The following PDE10A variants were observed in gnomAD, a reference collection of about 807,000 sequenced individuals.
PDE10A encodes the protein phosphodiesterase 10A, also known as cAMP and cAMP-inhibited cGMP 3',5'-cyclic phosphodiesterase 10A.
PDE10A carries 39 observed loss-of-function variants against 97.7 expected under a neutral mutation model. The observed-to-expected ratio is 0.40, with a 90% CI of 0.31 to 0.52. The LOEUF is 0.52. Ranked by LOEUF, PDE10A falls within the 20% of genes least tolerant of loss-of-function variation. The pLI is 0.56. For missense variants in PDE10A, 731 were observed against 1,047.8 expected (o/e 0.70, Z 4.17); for synonymous variants, 371 against 376.8 (o/e 0.98, Z 0.18).
chr6:165,509,294 C>T (rs1023484975), intron 2 of PDE10A, among the ~76,000 whole-genome samples: 3 of 151,990 alleles, frequency 2.0e-5, no homozygotes, highest in African/African-American at 7.2e-5. Context: ...TATTCTTCTG[C>T]ATATGGATAT....
intron 1 of PDE10A, among the ~76,000 whole-genome samples, chr6:165,788,667 G>A (rs1187124673): frequency 2.0e-5 from 3 of 151,668 alleles, no homozygotes; most frequent in Non-Finnish European, 4.4e-5. Flanking sequence ...TCATTATCCT[G>A]TCCTCATCCT....
intron 1 of PDE10A, among the ~76,000 whole-genome samples, chr6:165,813,561 T>C (rs1329943707): frequency 6.6e-6 from 1 of 152,216 alleles, no homozygotes; most frequent in African/African-American, 2.4e-5. Context: ...AGTAGTTTTG[T>C]TTTCCTTGAG....
At chr6:165,803,815 A>C (rs541102525) in intron 1 of PDE10A, among the ~76,000 whole-genome samples, 1 of 152,204 alleles carries the variant, frequency 6.6e-6, no homozygotes, top group Non-Finnish European at 1.5e-5. Flanking sequence ...ACATGCAGGC[A>C]CAGTTAGAGA....
chr6:165,757,107 C>T (rs2128457163), intron 1 of PDE10A, among the ~76,000 whole-genome samples: 1 of 152,196 alleles, frequency 6.6e-6, no homozygotes, highest in South Asian at 2.1e-4. Flanking sequence ...GCTGGGATTA[C>T]AGGCACCCAC....
chr6:165,510,342 T>C (rs1053307187), intron 2 of PDE10A, among the ~76,000 whole-genome samples: 2 of 152,140 alleles, frequency 1.3e-5, no homozygotes, highest in African/African-American at 2.4e-5. Context: ...TTGGTTTGCA[T>C]ATCTTAAACC....
chr6:165,727,179 C>T (rs1792320754), intron 1 of PDE10A, among the ~76,000 whole-genome samples: 1 of 152,226 alleles, frequency 6.6e-6, no homozygotes, highest in South Asian at 2.1e-4. Flanking sequence ...CTTCAGACAG[C>T]AGCAGCGACC....
chr6:165,510,486 G>C (rs1781446408), intron 2 of PDE10A, among the ~76,000 whole-genome samples: 1 of 151,914 alleles, frequency 6.6e-6, no homozygotes, highest in Non-Finnish European at 1.5e-5. Context: ...ATACTGGCCT[G>C]TAGTTTTCTT....
chr6:165,915,328 A>G (rs560541683), intron 1 of PDE10A, among the ~76,000 whole-genome samples: 1 of 152,334 alleles, frequency 6.6e-6, no homozygotes, highest in East Asian at 1.9e-4. Context: ...AAATTGAACA[A>G]GTAATTTGAG....
intron 1 of PDE10A, among the ~76,000 whole-genome samples, chr6:165,826,388 GT>G (rs372189206): frequency 7.6e-6 from 1 of 131,218 alleles, no homozygotes; most frequent in African/African-American, 2.6e-5. Flanking sequence ...CTGTCCTCAT[GT>G]CCCTCGTGTC....
intron 1 of PDE10A, among the ~76,000 whole-genome samples, chr6:165,844,227 G>C (rs1435480338): frequency 1.3e-5 from 2 of 152,126 alleles, no homozygotes; most frequent in African/African-American, 4.8e-5. Flanking sequence ...CTGTAGAGTT[G>C]GAAGTCATTC....
At chr6:165,610,151 C>A (rs1487935017) in intron 1 of PDE10A, among the ~76,000 whole-genome samples, 1 of 152,084 alleles carries the variant, frequency 6.6e-6, no homozygotes, top group African/African-American at 2.4e-5. Context: ...GTACTGGTAC[C>A]AAAACAGAGA....
intron 1 of PDE10A, among the ~76,000 whole-genome samples, chr6:165,820,650 AT>A (rs1306207946): frequency 6.6e-6 from 1 of 152,226 alleles, no homozygotes; most frequent in Non-Finnish European, 1.5e-5. Context: ...AATGCTTCAT[AT>A]GCACAAGAAA....
chr6:165,347,082 T>C (rs1782361952), intron 18 of PDE10A, among the ~76,000 whole-genome samples: 1 of 152,062 alleles, frequency 6.6e-6, no homozygotes, highest in East Asian at 1.9e-4. Context: ...TTCTCTAAAT[T>C]ATCACCTTAA....
intron 1 of PDE10A, among the ~76,000 whole-genome samples, chr6:165,698,883 T>C (rs1791503616): frequency 1.3e-5 from 2 of 151,610 alleles, no homozygotes; most frequent in South Asian, 4.2e-4. Context: ...AATAAATAAA[T>C]AAAATATTCA....
chr6:165,535,124 T>C (rs1783002001), intron 2 of PDE10A, among the ~76,000 whole-genome samples: 1 of 151,970 alleles, frequency 6.6e-6, no homozygotes. Flanking sequence ...CATATGATAA[T>C]CTGTAGCATT....
chr6:165,877,785 A>G (rs1292534409), intron 1 of PDE10A, among the ~76,000 whole-genome samples: 1 of 152,162 alleles, frequency 6.6e-6, no homozygotes, highest in African/African-American at 2.4e-5. Flanking sequence ...AGAGCTTGCT[A>G]TTGTCCAATC....
intron 1 of PDE10A, among the ~76,000 whole-genome samples, chr6:165,734,391 G>T (rs1792514348): frequency 6.6e-6 from 1 of 152,106 alleles, no homozygotes; most frequent in African/African-American, 2.4e-5. Flanking sequence ...AGATACACAG[G>T]AGAGAACCTA....
At position 165,496,906 on chromosome 6, in the gene PDE10A, T is replaced by A. The variant is rs942859850; in HGVS notation, c.995-14563A>T. ...ATTCTTACTATATATGTTTTAAGCATCAAAAGCTAAGCGTTTGTGGAAGAA... is the reference window on the plus strand; with the variant it reads ...ATTCTTACTATATATGTTTTAAGCAACAAAAGCTAAGCGTTTGTGGAAGAA... On this transcript the variant is annotated intron_variant, in intron 2 of 21. Transcript: ENST00000539869. Among the ~76,000 whole-genome samples, 47 of 152,298 alleles carry A rather than the reference T, an allele frequency of 3.1e-4. 1 individual carries two copies. The highest frequency in any genetic ancestry group is 1.1e-3 in the African/African-American group (47 of 41,568).
At chr6:165,405,659 C>T (rs1233382510) in intron 13 of PDE10A, among the ~76,000 whole-genome samples, 2 of 152,156 alleles carry the variant, frequency 1.3e-5, no homozygotes. Context: ...AAGCTGACTT[C>T]CCCAAGGTCA....
Sources: gnomAD v4.1 joint callset for allele counts (sites outside exome capture counted in the v4.1 genomes callset) on GRCh38, gnomAD v4.1.1 for gene constraint, MANE v1.5 for transcripts, NCBI Gene and HGNC (gene_info 2026-07-23, HGNC 2026-07-21) for gene names.